NRXN1: variants seen among roughly 807,000 people sequenced by gnomAD.
NRXN1 encodes the protein neurexin-1.
A neutral mutation model predicts 150.9 loss-of-function variants in NRXN1; 39 were observed. The ratio of observed to expected loss-of-function variants is 0.26; its 90% confidence interval spans 0.20 to 0.34. The LOEUF is 0.34. NRXN1 is among the 10% of genes least tolerant of loss of function. The pLI, the probability that NRXN1 is intolerant of heterozygous loss-of-function variation, is 1.00. For missense variants in NRXN1, 1,815 were observed against 1,949.9 expected (o/e 0.93, Z 1.30); for synonymous variants, 924 against 757.0 (o/e 1.22, Z -3.62).
intron 21 of NRXN1, among the ~76,000 whole-genome samples, chr2:50,012,423 T>A (rs576497470): frequency 1.3e-5 from 2 of 152,230 alleles, no homozygotes; most frequent in African/African-American, 4.8e-5. Flanking sequence ...ATACAAAATA[T>A]TAGTCATGGT....
At chr2:50,716,710 C>T (rs763203198) in intron 5 of NRXN1, among the ~76,000 whole-genome samples, 9 of 151,992 alleles carry the variant, frequency 5.9e-5, no homozygotes, top group East Asian at 5.8e-4. Context: ...ACTGGATTTC[C>T]GGAGCTAACA....
At chr2:50,871,713 T>A (rs1052147813) in intron 5 of NRXN1, among the ~76,000 whole-genome samples, 1 of 151,784 alleles carries the variant, frequency 6.6e-6, no homozygotes, top group Admixed American at 6.6e-5. Context: ...ACTAAAAGCA[T>A]ATTAAGGAGC....
chr2:50,959,997 A>G (rs1692888756), intron 2 of NRXN1, among the ~76,000 whole-genome samples: 1 of 152,012 alleles, frequency 6.6e-6, no homozygotes, highest in Non-Finnish European at 1.5e-5. Flanking sequence ...TCTTATACAC[A>G]AAAATTCTCC....
At chr2:50,442,947 A>G (rs567751203) in intron 17 of NRXN1, among the ~76,000 whole-genome samples, 3 of 152,274 alleles carry the variant, frequency 2.0e-5, no homozygotes, top group African/African-American at 7.2e-5. Context: ...GAATTTGACA[A>G]TGTGAAGATG....
intron 5 of NRXN1, among the ~76,000 whole-genome samples, chr2:50,780,000 C>G (rs573239858): frequency 2.0e-5 from 3 of 152,212 alleles, no homozygotes; most frequent in Admixed American, 1.3e-4. Context: ...TAAAAGTGTT[C>G]CTATTTCTCC....
intron 12 of NRXN1, among the ~76,000 whole-genome samples, chr2:50,512,157 T>C (rs184909227): frequency 6.6e-6 from 1 of 152,186 alleles, no homozygotes; most frequent in Non-Finnish European, 1.5e-5. Context: ...CGCGGCTACA[T>C]GAAAGAGTGC....
intron 5 of NRXN1, among the ~76,000 whole-genome samples, chr2:50,853,186 C>A (rs1034706824): frequency 6.6e-6 from 1 of 152,152 alleles, no homozygotes; most frequent in Non-Finnish European, 1.5e-5. Context: ...TGACTACTTG[C>A]ACAAACGAAA....
At chr2:50,612,692 A>G (rs1678389525) in intron 8 of NRXN1, among the ~76,000 whole-genome samples, 1 of 152,188 alleles carries the variant, frequency 6.6e-6, no homozygotes, top group African/African-American at 2.4e-5. Flanking sequence ...GAGGCACTAC[A>G]GTGTTTATGC....
chr2:50,493,554 G>A (rs962459810), intron 15 of NRXN1, among the ~76,000 whole-genome samples: 1 of 152,118 alleles, frequency 6.6e-6, no homozygotes, highest in African/African-American at 2.4e-5. Context: ...AAATACTCAT[G>A]CTCTGGCCAA....
intron 10 of NRXN1, among the ~76,000 whole-genome samples, chr2:50,535,700 T>C (rs1471957845): frequency 3.3e-5 from 5 of 152,152 alleles, no homozygotes; most frequent in African/African-American, 1.2e-4. Context: ...ATAGGATCAA[T>C]ACATGTAAAA....
chr2:50,172,582 A>G (rs1045191661), intron 18 of NRXN1, among the ~76,000 whole-genome samples: 1 of 152,222 alleles, frequency 6.6e-6, no homozygotes, highest in African/African-American at 2.4e-5. Context: ...TGGCAATTCT[A>G]GAGAAACTGG....
intron 21 of NRXN1, among the ~76,000 whole-genome samples, chr2:50,011,719 A>G (rs909941966): frequency 6.6e-6 from 1 of 152,096 alleles, no homozygotes; most frequent in African/African-American, 2.4e-5. Context: ...TATGAAGCCA[A>G]AATAAAGACA....
intron 5 of NRXN1, among the ~76,000 whole-genome samples, chr2:50,846,602 T>G (rs557014726): frequency 7.2e-5 from 11 of 152,172 alleles, no homozygotes; most frequent in Admixed American, 7.2e-4. Flanking sequence ...AGAAATAGCA[T>G]AGACCAACAA....
At chr2:50,018,389 G>A (rs1351262583) in intron 21 of NRXN1, among the ~76,000 whole-genome samples, 3 of 152,052 alleles carry the variant, frequency 2.0e-5, no homozygotes, top group South Asian at 2.1e-4. Flanking sequence ...AGCAAGCAGG[G>A]ACTTCTTTTA....
intron 21 of NRXN1, among the ~76,000 whole-genome samples, chr2:50,008,468 A>ATTT (rs3046626): frequency 0.1 from 13,746 of 136,282 alleles, 840 homozygotes; most frequent in Middle Eastern, 0.2. Context: ...GAAGGATGCC[A>ATTT]TTTTTTTTTT....
intron 17 of NRXN1, among the ~76,000 whole-genome samples, chr2:50,406,478 T>C (rs1480381536): frequency 2.0e-5 from 3 of 152,168 alleles, no homozygotes; most frequent in Admixed American, 2.0e-4. Flanking sequence ...TCCACCCACC[T>C]TTAATGACCT....
At chr2:50,004,889 A>G (rs1684510908) in intron 21 of NRXN1, among the ~76,000 whole-genome samples, 1 of 152,110 alleles carries the variant, frequency 6.6e-6, no homozygotes, top group Admixed American at 6.6e-5. Flanking sequence ...GCCAAAAGCT[A>G]TTGCTCATCT....
chr2:50,156,014 T>A (rs914016078), intron 18 of NRXN1, among the ~76,000 whole-genome samples: 1 of 151,740 alleles, frequency 6.6e-6, no homozygotes, highest in Non-Finnish European at 1.5e-5. Flanking sequence ...TAAATACATC[T>A]AGAATTATAT....
chr2:50,208,872 T>C (rs1275247286), intron 18 of NRXN1, among the ~76,000 whole-genome samples: 1 of 152,162 alleles, frequency 6.6e-6, no homozygotes, highest in African/African-American at 2.4e-5. Flanking sequence ...GTCTTGTTCA[T>C]TGTCTCTTTG....
Sources: allele counts gnomAD v4.1 joint callset (sites outside exome capture counted in the v4.1 genomes callset), GRCh38; gene constraint gnomAD v4.1.1; transcripts MANE v1.5; gene names NCBI Gene and HGNC (gene_info 2026-07-23, HGNC 2026-07-21).